Variants in RAB6B observed in about 807,000 individuals in gnomAD.
The protein encoded by RAB6B is ras-related protein Rab-6B.
In RAB6B, 7 loss-of-function variants were observed where a neutral mutation model predicts 31.2. That is an observed-to-expected ratio of 0.22 (90% CI 0.13 to 0.42). RAB6B has a LOEUF of 0.42. Among genes scored for constraint, RAB6B ranks in the 10% least tolerant of loss-of-function variants. The pLI is 1.00. For missense variants in RAB6B, 149 were observed against 280.6 expected, an observed-to-expected ratio of 0.53 and a Z score of 3.35; for synonymous variants, 105 against 104.9, an observed-to-expected ratio of 1.00 and a Z score of -0.01.
intron 1 of RAB6B, among the ~76,000 whole-genome samples, chr3:133,887,635 A>C (rs1385784491): frequency 1.3e-5 from 2 of 152,124 alleles, no homozygotes; most frequent in Non-Finnish European, 2.9e-5. Flanking sequence ...CCTTGAGGGG[A>C]TACACGGAGA....
intron 7 of RAB6B, among the ~76,000 whole-genome samples, chr3:133,833,663 C>G (rs1486264187): frequency 6.6e-6 from 1 of 152,204 alleles, no homozygotes; most frequent in Non-Finnish European, 1.5e-5. Context: ...TCCCAGGGCC[C>G]TTCTTTGATC....
At chr3:133,831,356 T>C (rs1935653937) in intron 7 of RAB6B, among the ~76,000 whole-genome samples, 1 of 152,218 alleles carries the variant, frequency 6.6e-6, no homozygotes, top group Admixed American at 6.5e-5. Context: ...GATGGAAATA[T>C]TCTATATCTG....
At position 133,893,061 on chromosome 3, in the gene RAB6B, C is replaced by A. The variant is rs561583821; in HGVS notation, c.70+2336G>T. 6.9e-5 allele frequency among the ~76,000 whole-genome samples: 10 copies of A among 145,968 alleles called. No individual in the cohort carries two copies. The East Asian group carries it at 1.7e-3, about 25-fold the overall frequency. On this transcript the variant is annotated intron_variant, in intron 1 of 7. Transcript: ENST00000285208. ...AGAAGGCACCAGGGTGGCCAGCAGC[C>A]CATCTCACTGATAGCAGTGACTCTC...
intron 1 of RAB6B, among the ~76,000 whole-genome samples, chr3:133,880,035 A>C (rs1470753111): frequency 6.6e-6 from 1 of 152,182 alleles, no homozygotes; most frequent in African/African-American, 2.4e-5. Context: ...CTGCCTGTGC[A>C]TTTGAGCAGT....
intron 1 of RAB6B, among the ~76,000 whole-genome samples, chr3:133,878,897 A>G (rs2108011377): frequency 6.6e-6 from 1 of 152,348 alleles, no homozygotes; most frequent in South Asian, 2.1e-4. Context: ...ATTCACTGCT[A>G]GCAGATCAAC....
At chr3:133,851,764 C>A (rs1421181938) in intron 2 of RAB6B, among the ~76,000 whole-genome samples, 2 of 152,162 alleles carry the variant, frequency 1.3e-5, no homozygotes, top group African/African-American at 4.8e-5. Flanking sequence ...TGCCTGAGGT[C>A]CCATAGCAAG....
chr3:133,864,009 C>T (rs1013453181), intron 2 of RAB6B, among the ~76,000 whole-genome samples: 4 of 152,158 alleles, frequency 2.6e-5, no homozygotes, highest in South Asian at 2.1e-4. Context: ...CCCCAGACTA[C>T]GCCTCCAGGG....
intron 1 of RAB6B, among the ~76,000 whole-genome samples, chr3:133,892,168 C>T (rs933255049): frequency 2.1e-4 from 32 of 152,172 alleles, no homozygotes; most frequent in Non-Finnish European, 8.8e-5. Flanking sequence ...TGACATATGT[C>T]ACCCTCCCAT....
chr3:133,875,558 TC>T (rs1936383388), intron 1 of RAB6B, among the ~76,000 whole-genome samples: 1 of 152,258 alleles, frequency 6.6e-6, no homozygotes, highest in African/African-American at 2.4e-5. Flanking sequence ...TTCTTCACTT[TC>T]CAAAGCCCCC....
At chr3:133,874,971 G>T (rs987083028) in intron 1 of RAB6B, among the ~76,000 whole-genome samples, 2 of 152,140 alleles carry the variant, frequency 1.3e-5, no homozygotes. Context: ...GTCATTTCCT[G>T]TGATAACAAT....
chr3:133,890,089 T>C lies in RAB6B; in HGVS notation c.70+5308A>G, dbSNP rs889905398. Among the ~76,000 whole-genome samples the C allele has an allele frequency of 3.3e-5, 5 of 151,626 alleles. No homozygotes were observed. The East Asian group carries it at 9.7e-4, about 29-fold the overall frequency. On this transcript the variant is annotated intron_variant, in intron 1 of 7. Transcript: ENST00000285208. ...CCAGCCACTGAGGAAAGGAGAAAAA[T>C]TGGGAGGAGAGAAATCAAGAGAAGG...
At chr3:133,885,480 C>G in intron 1 of RAB6B, 1 of 702,266 alleles carries the variant, frequency 1.4e-6, no homozygotes. Flanking sequence ...ACCCAATGAC[C>G]AGAGGATGGG....
At chr3:133,839,975 C>CGT (rs1559901147) in intron 4 of RAB6B, among the ~76,000 whole-genome samples, 2 of 151,490 alleles carry the variant, frequency 1.3e-5, no homozygotes, top group African/African-American at 2.4e-5. Flanking sequence ...CTGGGTCACA[C>CGT]GTGTGTGTGC....
rs572464642 is a variant in RAB6B at position 133,841,124 on chromosome 3, A to G, written c.289+161T>C. The stretch of plus-strand genomic sequence containing the variant: ...CCATGTTGGTGTTCAAAGGCAACTC[A>G]CCACTGCTCCCTGCCTTTCTGCATT... On this transcript the variant is annotated intron_variant, in intron 4 of 7. Transcript: ENST00000285208. Among the ~76,000 whole-genome samples the G allele has an allele frequency of 2.0e-5, 3 of 152,004 alleles. No homozygotes were observed. In the East Asian group the frequency reaches 5.8e-4, roughly 30 times the overall value.
intron 2 of RAB6B, among the ~76,000 whole-genome samples, chr3:133,864,221 A>T (rs775475750): frequency 6.6e-6 from 1 of 151,408 alleles, no homozygotes; most frequent in African/African-American, 2.5e-5. Context: ...CATTACAACC[A>T]TGCATGAGGC....
chr3:133,862,415 T>C (rs993820695), intron 2 of RAB6B, among the ~76,000 whole-genome samples: 2 of 152,180 alleles, frequency 1.3e-5, no homozygotes. Flanking sequence ...CAGGAGCTAC[T>C]GCACAGTTGA....
chr3:133,882,328 C>T (rs1289939677), intron 1 of RAB6B, among the ~76,000 whole-genome samples: 1 of 152,234 alleles, frequency 6.6e-6, no homozygotes, highest in Non-Finnish European at 1.5e-5. Context: ...GGAATGCCAC[C>T]TATCACCTTT....
intron 1 of RAB6B, among the ~76,000 whole-genome samples, chr3:133,888,460 C>T (rs981599374): frequency 2.0e-5 from 3 of 152,154 alleles, no homozygotes; most frequent in Non-Finnish European, 4.4e-5. Flanking sequence ...CTCTATTCTG[C>T]CCTCAGGGGT....
intron 4 of RAB6B, among the ~76,000 whole-genome samples, chr3:133,840,013 C>T (rs973402755): frequency 2.0e-5 from 3 of 152,104 alleles, no homozygotes; most frequent in African/African-American, 7.2e-5. Flanking sequence ...CACATGCGCG[C>T]GCGACTTGGC....
Sources: gnomAD v4.1 joint callset for allele counts (sites outside exome capture counted in the v4.1 genomes callset) on GRCh38, gnomAD v4.1.1 for gene constraint, MANE v1.5 for transcripts, NCBI Gene and HGNC (gene_info 2026-07-23, HGNC 2026-07-21) for gene names.